The following ZNF782 variants were observed in gnomAD, a reference collection of about 807,000 sequenced individuals.
ZNF782 encodes zinc finger protein 782.
ZNF782 carries 12 observed loss-of-function variants against 13.0 expected under a neutral mutation model. The observed-to-expected ratio is 0.92, with a 90% confidence interval of 0.59 to 1.50. ZNF782 has a LOEUF of 1.50. Ranked by LOEUF, ZNF782 falls within the 40% of genes most tolerant of loss-of-function variation. ZNF782 has a pLI of 0.00. For synonymous variants in ZNF782, 284 were observed against 283.0 expected (o/e 1.00, Z -0.04); for missense variants, 770 against 822.9 (o/e 0.94, Z 0.79).
chr9:96,818,786 G>T lies in ZNF782; in HGVS notation c.1237C>A (p.Gln413Lys). Residue 413 changes from glutamine (Q) to lysine (K), a missense_variant, in exon 6 of 6, where the codon CAG (glutamine) becomes AAG (lysine). Transcript: ENST00000481138. The stretch of plus-strand genomic sequence containing the variant: ...GGTTTCTCTCCCGTGTGAGTTCTCT[G>T]ATGTTTTCTTAGGCGTGACTTCTCA... The part of the protein sequence containing the change: ...FSEKSRLRKH[Q>K]RTHTGEKPYK... The T allele has an allele frequency of 6.2e-7, 1 of 1,613,988 alleles. No individual in the cohort carries two copies. Among genetic ancestry groups the T allele is most frequent in the Non-Finnish European group, 8.5e-7 (1 of 1,179,990 alleles).
At chr9:96,882,127 T>C in the ZNF782 span, among the ~76,000 whole-genome samples, 1 of 152,064 alleles carries the variant, frequency 6.6e-6, no homozygotes, top group South Asian at 2.1e-4. Context: ...AATATTTATA[T>C]AGATTGAGGT....
chr9:96,825,013 T>A (rs1171451628), intron 5 of ZNF782, among the ~76,000 whole-genome samples: 4,424 of 151,516 alleles, frequency 0.029, 230 homozygotes, highest in African/African-American at 0.1. Flanking sequence ...GCCATCCCCA[T>A]CAAGCTACCA....
At chr9:96,828,407 A>ATATTTGTTGCT (rs1352029122) in intron 4 of ZNF782, among the ~76,000 whole-genome samples, 4 of 152,246 alleles carry the variant, frequency 2.6e-5, no homozygotes, top group Non-Finnish European at 5.9e-5. Flanking sequence ...AAAAGAATAC[A>ATATTTGTTGCT]ACAAAATCTA....
chr9:96,825,473 T>C (rs1236899142), intron 5 of ZNF782, among the ~76,000 whole-genome samples: 2 of 152,116 alleles, frequency 1.3e-5, no homozygotes, highest in African/African-American at 4.8e-5. Context: ...ACCTAGGCAT[T>C]ACCATTCAGG....
chr9:96,839,805 C>G (rs1380994108), intron 4 of ZNF782, among the ~76,000 whole-genome samples: 1 of 152,132 alleles, frequency 6.6e-6, no homozygotes, highest in East Asian at 1.9e-4. Context: ...CTTCTTTTGA[C>G]TTAATATTTA....
chr9:96,824,241 T>C (rs1432954164), intron 5 of ZNF782, among the ~76,000 whole-genome samples: 1 of 151,338 alleles, frequency 6.6e-6, no homozygotes, highest in Non-Finnish European at 1.5e-5. Flanking sequence ...GATGCAAGGC[T>C]GGTTCAATAT....
intron 5 of ZNF782, among the ~76,000 whole-genome samples, chr9:96,821,526 G>A (rs1351256041): frequency 6.6e-6 from 1 of 152,006 alleles, no homozygotes; most frequent in Admixed American, 6.6e-5. Flanking sequence ...AGGAATATAT[G>A]GATAGTACTC....
chr9:96,832,452 C>T (rs1173057936), intron 4 of ZNF782, among the ~76,000 whole-genome samples: 1 of 152,106 alleles, frequency 6.6e-6, no homozygotes, highest in Non-Finnish European at 1.5e-5. Context: ...TTCTTCTTTC[C>T]TGATGCTTGA....
rs757841653 is a variant in ZNF782 at position 96,817,977 on chromosome 9, A to C, written c.2046T>G (p.Thr682=). Residue 682 remains threonine (T), a synonymous_variant, in exon 6 of 6, where the codon ACT becomes ACG. Transcript: ENST00000481138. Reference sequence around the variant, plus strand: ...CTCTAAGGCTTGATTTTTGACTGAAAGTTCTCCCACATTTATCACATTTAT... The same window carrying C: ...CTCTAAGGCTTGATTTTTGACTGAACGTTCTCCCACATTTATCACATTTAT... ...KPYKCDKCGR[T]FSQKSSLREH... The C allele has an allele frequency of 3.2e-5, 52 of 1,605,452 alleles. No homozygotes were observed. Among genetic ancestry groups the C allele is most frequent in the Middle Eastern group, 1.7e-4 (1 of 6,016 alleles).
chr9:96,913,105 A>C, the ZNF782 span, among the ~76,000 whole-genome samples: 2 of 151,338 alleles, frequency 1.3e-5, no homozygotes, highest in Admixed American at 6.6e-5. Context: ...ACTTCAGGCC[A>C]GAAGTTCGAG....
chr9:96,852,574 G>A (rs1188033847), intron 2 of ZNF782, among the ~76,000 whole-genome samples: 1 of 152,212 alleles, frequency 6.6e-6, no homozygotes. Context: ...TTGAGCCCAG[G>A]AGGTAGAGGC....
upstream of ZNF782, among the ~76,000 whole-genome samples, chr9:96,879,179 CAATTGTT>C (rs1851932137): frequency 6.6e-6 from 1 of 152,182 alleles, no homozygotes; most frequent in African/African-American, 2.4e-5. Flanking sequence ...TTGGCATAGT[CAATTGTT>C]AAGAAACAAT....
At chr9:96,891,860 A>G in the ZNF782 span, 1 of 152,252 alleles carries the variant, frequency 6.6e-6, no homozygotes, top group Non-Finnish European at 1.5e-5. Flanking sequence ...AAGATTTTTA[A>G]GAGCAGAATC....
Position 96,818,869 on chromosome 9 carries a change from T to C in ZNF782, c.1154A>G (p.Gln385Arg), listed in dbSNP as rs781743465. 1.9e-6 allele frequency: 3 copies of C among 1,614,130 alleles called. No homozygotes were observed. Among genetic ancestry groups the C allele is most frequent in the Non-Finnish European group, 2.5e-6 (3 of 1,180,054 alleles). ...CSMNSHLIWP[Q>R]KSHTGEKPYE... is the part of the protein sequence containing the mutation. The stretch of plus-strand genomic sequence containing the variant: ...GGGTTTCTCCCCTGTGTGACTTTTC[T>C]GAGGCCAAATCAAGTGTGAATTCAT... Residue 385 changes from glutamine to arginine, a missense_variant, in exon 6 of 6, where the codon CAG (glutamine) becomes CGG (arginine). Gln to Arg is a conservative substitution (Grantham distance 43, BLOSUM62 1). Coordinates refer to ENST00000481138, the MANE Select transcript of ZNF782 (RefSeq NM_001001662.3).
upstream of ZNF782, among the ~76,000 whole-genome samples, chr9:96,857,822 AACC>A (rs1192536394): frequency 6.6e-6 from 1 of 152,242 alleles, no homozygotes; most frequent in Non-Finnish European, 1.5e-5. Context: ...TGGACATGAA[AACC>A]ACATCTTTCT....
chr9:96,905,973 T>C, the ZNF782 span, among the ~76,000 whole-genome samples: 1 of 152,198 alleles, frequency 6.6e-6, no homozygotes, highest in East Asian at 1.9e-4. Flanking sequence ...GAACCCTCTC[T>C]TGGGCTCTGG....
At position 96,819,687 on chromosome 9, in the gene ZNF782, A is replaced by C; in HGVS notation, c.336T>G (p.Thr112=). The change falls in exon 6 of 6, where the codon ACT becomes ACG. Residue 112 remains threonine, a synonymous_variant. Transcript: ENST00000481138. ...LQVLFTNKLL[T]TEQEISGKPH... ...GTTTTCCTGAAATTTCTTGCTCTGT[A>C]GTCAATAATTTATTGGTGAATAAAA... 4.3e-6 allele frequency: 7 copies of C among 1,613,074 alleles called. No individual in the cohort carries two copies. Among genetic ancestry groups the C allele is most frequent in the Non-Finnish European group, 5.9e-6 (7 of 1,179,836 alleles).
intron 1 of ZNF782, among the ~76,000 whole-genome samples, chr9:96,869,446 C>A (rs1851798812): frequency 6.6e-6 from 1 of 152,122 alleles, no homozygotes; most frequent in African/African-American, 2.4e-5. Context: ...AAATTTATAT[C>A]ATTTTCTACT....
At chr9:96,829,235 T>C (rs1356970269) in intron 4 of ZNF782, among the ~76,000 whole-genome samples, 1 of 151,898 alleles carries the variant, frequency 6.6e-6, no homozygotes, top group African/African-American at 2.4e-5. Context: ...CACCATAAAC[T>C]GGAAAAAAGA....
Sources: gnomAD v4.1 joint callset for allele counts (sites outside exome capture counted in the v4.1 genomes callset) on GRCh38, gnomAD v4.1.1 for gene constraint, MANE v1.5 for transcripts, NCBI Gene and HGNC (gene_info 2026-07-23, HGNC 2026-07-21) for gene names.